The following PARVB variants were observed in gnomAD, a reference collection of about 807,000 sequenced individuals.
PARVB encodes beta-parvin.
PARVB carries 46 observed loss-of-function variants against 47.0 expected under a neutral mutation model. The ratio of observed to expected loss-of-function variants is 0.98; its 90% CI spans 0.77 to 1.25. The LOEUF is 1.25. Among genes scored for constraint, PARVB ranks in the 50% most tolerant of loss-of-function variants. PARVB has a pLI of 0.00. For synonymous variants in PARVB, 196 were observed against 196.3 expected (o/e 1.00, Z 0.01); for missense variants, 473 against 471.6 (o/e 1.00, Z -0.03).
At chr22:44,026,242 T>C (rs2146880950) in intron 1 of PARVB, 1 of 893,610 alleles carries the variant, frequency 1.1e-6, no homozygotes, top group East Asian at 1.2e-4. Context: ...GTCTAGAAAA[T>C]TCAGGCCCAG....
chr22:44,059,400 T>C (rs1442222150), intron 1 of PARVB, among the ~76,000 whole-genome samples: 2 of 152,162 alleles, frequency 1.3e-5, no homozygotes, highest in Admixed American at 6.5e-5. Flanking sequence ...GAGGAGGACT[T>C]GTTCTTCTCT....
At chr22:44,031,001 A>T (rs1489064903) in intron 1 of PARVB, among the ~76,000 whole-genome samples, 9 of 152,062 alleles carry the variant, frequency 5.9e-5, no homozygotes, top group Admixed American at 5.9e-4. Context: ...TTCTATGGGG[A>T]AGAGGGGATG....
Position 44,048,346 on chromosome 22 carries a change from G to T in PARVB, c.112+23895G>T, listed in dbSNP as rs970512215. Among the ~76,000 whole-genome samples, 9 of 152,098 alleles carry T rather than the reference G, an allele frequency of 5.9e-5. No individual in the cohort carries two copies. In the East Asian group the frequency reaches 1.7e-3, roughly 29 times the overall value. On this transcript the variant is annotated intron_variant, in intron 1 of 12. Transcript: ENST00000338758. ...TGACCATGTGGACATATCTTTTGGGGGCACATGAACTGAGGGTAATAATTT... is the reference window on the plus strand; with the variant it reads ...TGACCATGTGGACATATCTTTTGGGTGCACATGAACTGAGGGTAATAATTT...
At chr22:44,139,795 T>C (rs2053514483) in intron 7 of PARVB, 1 of 326,936 alleles carries the variant, frequency 3.1e-6, no homozygotes, top group East Asian at 6.1e-5. Context: ...AGACCTGTTG[T>C]CTGCTGAAAT....
chr22:44,078,788 G>A (rs2051833733), intron 1 of PARVB, among the ~76,000 whole-genome samples: 1 of 152,120 alleles, frequency 6.6e-6, no homozygotes, highest in African/African-American at 2.4e-5. Context: ...GCAATGGCGA[G>A]ATCTCAGCTC....
intron 1 of PARVB, among the ~76,000 whole-genome samples, chr22:44,060,263 C>A (rs1198468215): frequency 2.0e-5 from 3 of 152,096 alleles, no homozygotes; most frequent in African/African-American, 7.2e-5. Context: ...TTGCAGTGAG[C>A]TGAGATTCTG....
chr22:44,131,499 G>C lies in PARVB; in HGVS notation c.389G>C (p.Gly130Ala), dbSNP rs149908085. Reference protein sequence around the residue: ...VLQKLLEKLAGCKLNVAEVTQ... With the variant: ...VLQKLLEKLAACKLNVAEVTQ... ...CTTCTCATTGCAGAAAAACTGGCAG[G>C]GTGCAAGCTGAATGTGGCTGAGGTG... is the stretch of plus-strand genomic sequence containing the variant. The change falls in exon 5 of 13, where the codon GGG becomes GCG. Residue 130 changes from glycine (G) to alanine (A), a missense_variant. Transcript: ENST00000338758. 19 of 1,613,666 alleles carry C rather than the reference G, an allele frequency of 1.2e-5. No homozygotes were observed. The East Asian group carries it at 2.0e-4, about 17-fold the overall frequency.
rs561241598 is a variant in PARVB at position 44,027,664 on chromosome 22, G to A, written c.112+3213G>A. 7.9e-5 allele frequency among the ~76,000 whole-genome samples: 12 copies of A among 152,286 alleles called. No homozygotes were observed. In the South Asian group the frequency reaches 1.9e-3, roughly 24 times the overall value. On this transcript the variant is annotated intron_variant, in intron 1 of 12. Coordinates refer to ENST00000338758, the MANE Select transcript of PARVB (RefSeq NM_013327.5). ...TGTAATCCCAGCACTCTGGGAGGCC[G>A]AGGTGGGTGGATCACCTGAGGTCGG...
rs553056420 is a variant in PARVB, at chr22:44,062,819, C to T, written c.113-31109C>T. On this transcript the variant is annotated intron_variant, in intron 1 of 12. Transcript: ENST00000338758. ...TTGGGGTGTGCCACCCTCCTGGCAC[C>T]TGGATGTGTTTACCCACCCGGAAGC... is the stretch of plus-strand genomic sequence containing the variant. Among the ~76,000 whole-genome samples the T allele has an allele frequency of 4.6e-5, 7 of 152,334 alleles. No homozygotes were observed. In the South Asian group the frequency reaches 1.5e-3, roughly 32 times the overall value.
chr22:44,139,837 C>A, intron 7 of PARVB: 1 of 445,606 alleles, frequency 2.2e-6, no homozygotes, highest in South Asian at 2.9e-5. Flanking sequence ...GATTTAAGTA[C>A]CTCCCCTCCA....
chr22:44,029,427 T>C (rs916344061), intron 1 of PARVB, among the ~76,000 whole-genome samples: 1 of 152,174 alleles, frequency 6.6e-6, no homozygotes, highest in East Asian at 1.9e-4. Context: ...GATCCTGATA[T>C]CTCCTAAGCA....
intron 2 of PARVB, among the ~76,000 whole-genome samples, chr22:44,096,240 TA>T (rs1437085640): frequency 6.6e-6 from 1 of 151,868 alleles, no homozygotes; most frequent in African/African-American, 2.4e-5. Context: ...AATAATAAAA[TA>T]AAATAATTAG....
At chr22:44,021,905 G>A (rs1275447365), upstream of PARVB, among the ~76,000 whole-genome samples, 1 of 152,054 alleles carries the variant, frequency 6.6e-6, no homozygotes, top group Non-Finnish European at 1.5e-5. Context: ...CCAGGAGCCT[G>A]GAGAGATGCA....
intron 2 of PARVB, among the ~76,000 whole-genome samples, chr22:44,015,353 T>C (rs2146858568): frequency 6.6e-6 from 1 of 152,214 alleles, no homozygotes; most frequent in African/African-American, 2.4e-5. Context: ...TAGATAAACA[T>C]GCTAAAAACT....
intron 3 of PARVB, chr22:44,106,190 G>A (rs984745385): frequency 6.8e-6 from 1 of 146,012 alleles, no homozygotes; most frequent in Non-Finnish European, 1.5e-5. Context: ...CTGTGAGATG[G>A]CAGGGAGGAG....
At chr22:44,073,416 C>T (rs1425704104) in intron 1 of PARVB, among the ~76,000 whole-genome samples, 1 of 152,180 alleles carries the variant, frequency 6.6e-6, no homozygotes, top group Non-Finnish European at 1.5e-5. Flanking sequence ...ATCACTTGAA[C>T]CCAGGAGGCA....
chr22:44,030,400 C>T (rs753902182), intron 1 of PARVB, among the ~76,000 whole-genome samples: 4 of 152,186 alleles, frequency 2.6e-5, no homozygotes, highest in South Asian at 2.1e-4. Context: ...AGGAGACCCC[C>T]AGGCAGGCTC....
At position 44,074,159 on chromosome 22, in the gene PARVB, AGAG is replaced by A. The variant is rs531523692; in HGVS notation, c.113-19762_113-19760del. Among the ~76,000 whole-genome samples the A allele has an allele frequency of 3.6e-3, 546 of 152,334 alleles. 8 individuals are homozygous for A. Among genetic ancestry groups the A allele is most frequent in the South Asian group, 2.3e-3 (11 of 4,830 alleles). ...GTCCTGGAAGGGGTCTCTGGAAACC[AGAG>A]GAGGAGTGGTCCTCTGAGGCTGGCC... On this transcript the variant is annotated intron_variant, in intron 1 of 12. Coordinates refer to ENST00000338758, the MANE Select transcript of PARVB (RefSeq NM_013327.5).
chr22:44,163,968 G>T (rs763975902), intron 12 of PARVB, 38 bp downstream of exon 12: 1 of 1,503,220 alleles, frequency 6.7e-7, no homozygotes, highest in Non-Finnish European at 9.2e-7. Flanking sequence ...GGAGAGGTGC[G>T]CACGGAGGGG....
Sources: gnomAD v4.1 joint callset for allele counts (sites outside exome capture counted in the v4.1 genomes callset) on GRCh38, gnomAD v4.1.1 for gene constraint, MANE v1.5 for transcripts, NCBI Gene and HGNC (gene_info 2026-07-23, HGNC 2026-07-21) for gene names.